The following RAMP1 variants were observed in gnomAD, a reference collection of about 807,000 sequenced individuals.
The protein encoded by RAMP1 is receptor activity modifying protein 1.
RAMP1 carries 7 observed loss-of-function variants against 8.2 expected under a neutral mutation model. The observed-to-expected ratio is 0.85, with a 90% confidence interval of 0.49 to 1.60. The LOEUF (loss-of-function observed/expected upper bound fraction) is 1.60. Among genes scored for constraint, RAMP1 ranks in the 40% most tolerant of loss-of-function variants. The pLI is 0.00. For missense variants in RAMP1, 192 were observed against 202.4 expected, an observed-to-expected ratio of 0.95 and a Z score of 0.31; for synonymous variants, 92 against 84.7, an observed-to-expected ratio of 1.09 and a Z score of -0.47.
chr2:237,888,103 G>C (rs2062452874), intron 2 of RAMP1, among the ~76,000 whole-genome samples: 1 of 152,076 alleles, frequency 6.6e-6, no homozygotes, highest in African/African-American at 2.4e-5. Flanking sequence ...GCCCAGGCTG[G>C]AGTGCAGTGG....
At chr2:237,874,706 G>A (rs1460701292) in intron 1 of RAMP1, 1 of 983,750 alleles carries the variant, frequency 1.0e-6, no homozygotes, top group East Asian at 1.1e-4. Flanking sequence ...AGAAATCCGG[G>A]TATGGCCATC....
rs189557482 is a variant in RAMP1 at position 237,904,201 on chromosome 2, C to T, written c.192-7327C>T. 3.3e-3 allele frequency among the ~76,000 whole-genome samples: 496 copies of T among 151,144 alleles called. 3 individuals carry two copies. Among genetic ancestry groups the T allele is most frequent in the Non-Finnish European group, 5.8e-3 (393 of 67,796 alleles). On this transcript the variant is annotated intron_variant, in intron 2 of 2. Coordinates refer to ENST00000254661, the MANE Select transcript of RAMP1 (RefSeq NM_005855.4). ...GTCTGAGGCGGGCGGATCACGAGGTCGGGAGATCAAGACCATCCTGGCTAA... is the reference window on the plus strand; with the variant it reads ...GTCTGAGGCGGGCGGATCACGAGGTTGGGAGATCAAGACCATCCTGGCTAA...
intron 1 of RAMP1, 54 bp downstream of exon 1, chr2:237,859,781 C>A (rs2062114253): frequency 6.9e-6 from 10 of 1,442,928 alleles, no homozygotes; most frequent in Middle Eastern, 2.5e-4. Flanking sequence ...CAGCCGGTGT[C>A]CTCTAGGGGA....
At chr2:237,866,556 T>C (rs1486209983) in intron 1 of RAMP1, among the ~76,000 whole-genome samples, 3 of 152,022 alleles carry the variant, frequency 2.0e-5, no homozygotes, top group Non-Finnish European at 4.4e-5. Context: ...CAAGTGACCC[T>C]TGAACAACGC....
intron 1 of RAMP1, among the ~76,000 whole-genome samples, chr2:237,861,418 A>G (rs557049215): frequency 6.6e-5 from 10 of 152,358 alleles, no homozygotes; most frequent in Admixed American, 2.0e-4. Flanking sequence ...AGCACTAGCC[A>G]GGTCTCCTTG....
At chr2:237,860,402 T>A (rs2062121200) in intron 1 of RAMP1, among the ~76,000 whole-genome samples, 1 of 152,178 alleles carries the variant, frequency 6.6e-6, no homozygotes, top group Non-Finnish European at 1.5e-5. Context: ...GGTCCCTTGG[T>A]GAAGTGGTGG....
At chr2:237,900,631 C>G (rs1173354973) in intron 2 of RAMP1, among the ~76,000 whole-genome samples, 5 of 151,858 alleles carry the variant, frequency 3.3e-5, no homozygotes, top group Non-Finnish European at 7.4e-5. Flanking sequence ...TCACTTTTGC[C>G]CCATTCCATT....
intron 2 of RAMP1, among the ~76,000 whole-genome samples, chr2:237,897,458 C>T (rs758931506): frequency 7.9e-5 from 12 of 152,218 alleles, no homozygotes; most frequent in Non-Finnish European, 1.8e-4. Context: ...CACTGAGCCC[C>T]GTTTCATCTG....
At chr2:237,866,589 A>G (rs2062189307) in intron 1 of RAMP1, among the ~76,000 whole-genome samples, 3 of 152,072 alleles carry the variant, frequency 2.0e-5, no homozygotes, top group Admixed American at 2.0e-4. Flanking sequence ...CCGAACCCCC[A>G]CATGGTCAGA....
chr2:237,899,158 C>A (rs1332111293), intron 2 of RAMP1, among the ~76,000 whole-genome samples: 3 of 152,088 alleles, frequency 2.0e-5, no homozygotes, highest in Non-Finnish European at 4.4e-5. Context: ...GCAACCTCCG[C>A]CTCCCGGGTT....
intron 1 of RAMP1, among the ~76,000 whole-genome samples, chr2:237,873,939 T>G (rs1041089563): frequency 6.6e-6 from 1 of 152,168 alleles, no homozygotes; most frequent in African/African-American, 2.4e-5. Flanking sequence ...TGGGCTCCCA[T>G]AGGGCGGGAA....
chr2:237,898,890 C>CT (rs747835680), intron 2 of RAMP1, among the ~76,000 whole-genome samples: 2 of 152,220 alleles, frequency 1.3e-5, no homozygotes, highest in Non-Finnish European at 2.9e-5. Flanking sequence ...CCCCTCCCTG[C>CT]TTTGGAAAGG....
intron 2 of RAMP1, among the ~76,000 whole-genome samples, chr2:237,883,403 C>T (rs1178772854): frequency 6.6e-6 from 1 of 152,192 alleles, no homozygotes; most frequent in East Asian, 1.9e-4. Flanking sequence ...GAGACATGCT[C>T]GTGCCAGCTC....
chr2:237,862,102 C>T lies in RAMP1; in HGVS notation c.52+2375C>T, dbSNP rs2151000815. Among the ~76,000 whole-genome samples, 1 of 152,230 alleles carries T rather than the reference C, an allele frequency of 6.6e-6. No individual in the cohort carries two copies. Among genetic ancestry groups the T allele is most frequent in the South Asian group, 2.1e-4 (1 of 4,824 alleles). On this transcript the variant is annotated intron_variant, in intron 1 of 2. Transcript: ENST00000254661. The surrounding 1 kb of genome is among the most constrained non-coding windows in gnomAD (Gnocchi z 4.0). Reference sequence around the variant, plus strand: ...ACCTGTCCTAGGAAACGCATGCCTTCCTTGGCTGTCACGTGGGAGCCAGGG... The same window carrying T: ...ACCTGTCCTAGGAAACGCATGCCTTTCTTGGCTGTCACGTGGGAGCCAGGG...
chr2:237,902,121 G>A (rs6717794), intron 2 of RAMP1, among the ~76,000 whole-genome samples: 109,491 of 151,918 alleles, frequency 0.72, 39,772 homozygotes, highest in East Asian at 0.89. Context: ...GCCCAAGGCC[G>A]AGAGAGAAGG....
intron 2 of RAMP1, among the ~76,000 whole-genome samples, chr2:237,895,987 A>G (rs918681955): frequency 1.3e-5 from 2 of 152,116 alleles, no homozygotes; most frequent in African/African-American, 4.8e-5. Context: ...GGGTGTCCCC[A>G]CAGGGGTGCC....
At chr2:237,911,380 G>A in intron 2 of RAMP1, 148 bp from the exon 3 acceptor site, 1 of 1,179,778 alleles carries the variant, frequency 8.5e-7, no homozygotes, top group Non-Finnish European at 1.2e-6. Context: ...CTGCCCTCCT[G>A]GATCCAGGGC....
chr2:237,892,620 T>C (rs2062497914), intron 2 of RAMP1, among the ~76,000 whole-genome samples: 1 of 152,180 alleles, frequency 6.6e-6, no homozygotes, highest in Non-Finnish European at 1.5e-5. Context: ...CAACCAGCCA[T>C]GAAATGTGAA....
chr2:237,910,079 C>A (rs2062694434), intron 2 of RAMP1, among the ~76,000 whole-genome samples: 1 of 152,154 alleles, frequency 6.6e-6, no homozygotes, highest in Non-Finnish European at 1.5e-5. Context: ...GCACCTGCAG[C>A]CGTGGCAGGA....
Sources: allele counts gnomAD v4.1 joint callset (sites outside exome capture counted in the v4.1 genomes callset), GRCh38; gene constraint gnomAD v4.1.1; non-coding constraint Gnocchi (gnomAD v3.1); transcripts MANE v1.5; gene names NCBI Gene and HGNC (gene_info 2026-07-23, HGNC 2026-07-21).